Variants in ATR observed in about 807,000 individuals in gnomAD.
ATR encodes serine/threonine-protein kinase ATR.
ATR carries 142 observed loss-of-function variants against 305.3 expected under a neutral mutation model. The ratio of observed to expected loss-of-function variants is 0.47; its 90% confidence interval spans 0.41 to 0.53. The LOEUF (loss-of-function observed/expected upper bound fraction) is 0.53. Among genes scored for constraint, ATR ranks in the 20% least tolerant of loss-of-function variants. The pLI is 0.00. For missense variants in ATR, 2,135 were observed against 3,133.1 expected, an observed-to-expected ratio of 0.68 and a Z score of 7.60; for synonymous variants, 1,050 against 1,068.1, an observed-to-expected ratio of 0.98 and a Z score of 0.33.
At chr3:142,473,535 T>C (rs2071349570) in intron 36 of ATR, among the ~76,000 whole-genome samples, 2 of 152,016 alleles carry the variant, frequency 1.3e-5, no homozygotes, top group South Asian at 4.1e-4. Context: ...GTGTGATGCC[T>C]TCAGCTTTAT....
At chr3:142,555,362 A>C (rs1339043412) in intron 10 of ATR, among the ~76,000 whole-genome samples, 1 of 152,130 alleles carries the variant, frequency 6.6e-6, no homozygotes, top group East Asian at 1.9e-4. Flanking sequence ...GTTTCTATTG[A>C]AACTTCAGAA....
intron 2 of ATR, 94 bp downstream of exon 2, chr3:142,567,969 C>T: frequency 9.5e-7 from 1 of 1,054,924 alleles, no homozygotes; most frequent in Non-Finnish European, 1.4e-6. Flanking sequence ...TACTCCATAT[C>T]TAAAACTACA....
rs1235238222 is a variant in ATR at position 142,459,496 on chromosome 3, AAAAC to A, written c.7193-117_7193-114del. 4.9e-6 allele frequency: 6 copies of A among 1,235,360 alleles called. No homozygotes were observed. In the East Asian group the frequency reaches 7.3e-5, roughly 15 times the overall value. The allele number at this position is 1,235,360 out of a possible 1,614,324, so 76.5% of individuals were successfully genotyped here. On this transcript the variant is annotated intron_variant, in intron 42 of 46. Coordinates refer to ENST00000350721, the MANE Select transcript of ATR (RefSeq NM_001184.4). The stretch of plus-strand genomic sequence containing the variant: ...CTACTTTTATTCAAATTGTTATTGA[AAAAC>A]AAGAATAAAGGAACATTTTTCAATT...
At chr3:142,486,835 G>C (rs996589228) in intron 35 of ATR, among the ~76,000 whole-genome samples, 1 of 151,182 alleles carries the variant, frequency 6.6e-6, no homozygotes, top group African/African-American at 2.4e-5. Flanking sequence ...ATTATTATTG[G>C]CTGGGCAAGA....
rs1047821027 is a variant in ATR at position 142,449,317 on chromosome 3, T to G, written c.*112A>C. 9.9e-5 allele frequency: 95 copies of G among 962,052 alleles called. No individual in the cohort carries two copies. The highest frequency in any genetic ancestry group is 1.4e-4 in the Non-Finnish European group (88 of 630,132). The allele number at this position is 962,052 out of a possible 1,614,324, so 59.6% of individuals were successfully genotyped here. A position where few individuals can be genotyped will look rare whatever the true frequency, so the allele number is the denominator to read the frequency against. The stretch of plus-strand genomic sequence containing the variant: ...TTAATGATCAGAGAGAAATAACAGT[T>G]GCTGAGAACGTAAATTTATGTTGTA... On this transcript the variant is annotated 3_prime_UTR_variant, in exon 47 of 47. Transcript: ENST00000350721.
At chr3:142,482,101 C>T (rs1442749035) in intron 36 of ATR, among the ~76,000 whole-genome samples, 1 of 152,136 alleles carries the variant, frequency 6.6e-6, no homozygotes, top group African/African-American at 2.4e-5. Context: ...TCTGAGGTTA[C>T]AGACATGAGC....
Position 142,515,638 on chromosome 3 carries a change from C to A in ATR, c.4383-123G>T, listed in dbSNP as rs975741885. 9 of 1,103,216 alleles carry A rather than the reference C, an allele frequency of 8.2e-6. No individual in the cohort carries two copies. The African/African-American group carries it at 1.4e-4, about 17-fold the overall frequency. The allele number at this position is 1,103,216 out of a possible 1,614,324, so 68.3% of individuals were successfully genotyped here. A position where few individuals can be genotyped will look rare whatever the true frequency, so the allele number is the denominator to read the frequency against. ...CCTTGCCTTTACTGCAATCTGCTTA[C>A]CTTTTTCCAGTATCCTTCTTAGGGG... On this transcript the variant is annotated intron_variant, in intron 24 of 46. Transcript: ENST00000350721.
intron 23 of ATR, among the ~76,000 whole-genome samples, chr3:142,522,360 C>G (rs1330086973): frequency 6.6e-6 from 1 of 152,114 alleles, no homozygotes; most frequent in Non-Finnish European, 1.5e-5. Context: ...TGGTCTGGAA[C>G]TGAACCCCTA....
Position 142,485,268 on chromosome 3 carries a change from G to GATTTTA in ATR, c.6092_6093insTAAAAT (p.Cys2031_Leu2032insLysIle). On this transcript the variant is annotated inframe_insertion, in exon 36 of 47. Transcript: ENST00000350721. ...AATGCCCATCCTCCCATTCTGGCAG[G>GATTTTA]CACGCGGTCACATCCTATAAAAAAG... The GATTTTA allele has an allele frequency of 6.2e-7, 1 of 1,614,136 alleles. No individual in the cohort carries two copies. The highest frequency in any genetic ancestry group is 8.5e-7 in the Non-Finnish European group (1 of 1,180,002).
chr3:142,547,346 T>G (rs1309491188), intron 16 of ATR, among the ~76,000 whole-genome samples: 1 of 152,218 alleles, frequency 6.6e-6, no homozygotes, highest in African/African-American at 2.4e-5. Flanking sequence ...AAACATATTC[T>G]AATATACATG....
At chr3:142,572,582 G>A (rs2035310367) in intron 1 of ATR, among the ~76,000 whole-genome samples, 1 of 151,686 alleles carries the variant, frequency 6.6e-6, no homozygotes, top group Non-Finnish European at 1.5e-5. Flanking sequence ...AGACCAGCCT[G>A]AGCAACATGA....
At chr3:142,469,949 C>A (rs1025921905) in intron 37 of ATR, 137 bp downstream of exon 37, 4 of 683,574 alleles carry the variant, frequency 5.9e-6, no homozygotes, top group Non-Finnish European at 9.9e-6. Flanking sequence ...CATTTAGTAT[C>A]TTACTCACAC....
intron 24 of ATR, among the ~76,000 whole-genome samples, chr3:142,516,095 G>A (rs2032848304): frequency 6.6e-6 from 1 of 152,166 alleles, no homozygotes; most frequent in Non-Finnish European, 1.5e-5. Context: ...TAAATTTCCA[G>A]TTTTTTCACC....
intron 14 of ATR, 46 bp from the exon 15 acceptor site, chr3:142,549,719 G>A (rs549956376): frequency 3.6e-5 from 56 of 1,565,880 alleles, no homozygotes; most frequent in Non-Finnish European, 4.4e-5. Context: ...TTGTCTGGGT[G>A]AAAAAAATAT....
Position 142,497,206 on chromosome 3 carries a change from G to C in ATR, c.5559-14C>G, listed in dbSNP as rs779012240. 14 of 1,612,696 alleles carry C rather than the reference G, an allele frequency of 8.7e-6. No individual in the cohort carries two copies. In the East Asian group the frequency reaches 2.5e-4, roughly 28 times the overall value. ...AACATGTGCAATCTGAAGATAGATA[G>C]AGCCTATGTTAAAATGTTATCATAT... On this transcript the variant is annotated splice_polypyrimidine_tract_variant and intron_variant, in intron 32 of 46. Coordinates refer to ENST00000350721, the MANE Select transcript of ATR (RefSeq NM_001184.4).
chr3:142,571,938 T>G (rs1471719606), intron 1 of ATR, among the ~76,000 whole-genome samples: 1 of 151,856 alleles, frequency 6.6e-6, no homozygotes, highest in Admixed American at 6.6e-5. Flanking sequence ...AGCTAATTTT[T>G]GTATTTTTAG....
At chr3:142,472,969 T>C (rs1302192212) in intron 36 of ATR, among the ~76,000 whole-genome samples, 1 of 152,158 alleles carries the variant, frequency 6.6e-6, no homozygotes, top group African/African-American at 2.4e-5. Flanking sequence ...TATTAAGTTG[T>C]TTGAGTTCCT....
intron 36 of ATR, among the ~76,000 whole-genome samples, chr3:142,470,653 A>T (rs1200732247): frequency 6.6e-6 from 1 of 152,120 alleles, no homozygotes; most frequent in African/African-American, 2.4e-5. Context: ...TCCCCTTATT[A>T]AAAAACAGGA....
chr3:142,578,514 G>T (rs1577731464), intron 1 of ATR, 132 bp downstream of exon 1: 2 of 1,061,940 alleles, frequency 1.9e-6, no homozygotes, highest in East Asian at 5.4e-5. Context: ...CAGCCACGGA[G>T]CATCTCCACA....
Sources: gnomAD v4.1 joint callset for allele counts (sites outside exome capture counted in the v4.1 genomes callset) on GRCh38, gnomAD v4.1.1 for gene constraint, MANE v1.5 for transcripts, NCBI Gene and HGNC (gene_info 2026-07-23, HGNC 2026-07-21) for gene names.